Variants in LRGUK observed in about 807,000 individuals in gnomAD.
LRGUK encodes the protein leucine rich repeats and guanylate kinase domain containing.
In LRGUK, 65 loss-of-function variants were observed where a neutral mutation model predicts 76.0. That is an observed-to-expected ratio of 0.85 (90% CI 0.70 to 1.05). The LOEUF (loss-of-function observed/expected upper bound fraction) is 1.05, where lower values mean the gene tolerates loss of function less well. LRGUK is among the 50% of genes least tolerant of loss of function. The probability of loss-of-function intolerance (pLI) is 0.00; values close to 1 mark genes in which losing one functional copy is unlikely to be tolerated. For synonymous variants in LRGUK, 268 were observed against 265.6 expected (o/e 1.01, Z -0.09); for missense variants, 758 against 732.8 (o/e 1.03, Z -0.40).
At chr7:134,210,841 C>T (rs1801237001), downstream of LRGUK, among the ~76,000 whole-genome samples, 1 of 152,156 alleles carries the variant, frequency 6.6e-6, no homozygotes, top group South Asian at 2.1e-4. Flanking sequence ...AGAAGCGAAC[C>T]TGAAAACATG....
At chr7:134,187,567 G>A (rs549437013) in intron 11 of LRGUK, among the ~76,000 whole-genome samples, 7 of 152,314 alleles carry the variant, frequency 4.6e-5, no homozygotes, top group African/African-American at 1.7e-4. Flanking sequence ...AGATTTTGCT[G>A]TAGTTAGGTT....
intron 18 of LRGUK, among the ~76,000 whole-genome samples, chr7:134,257,435 G>A (rs1394679278): frequency 2.0e-5 from 3 of 152,136 alleles, no homozygotes; most frequent in Non-Finnish European, 4.4e-5. Flanking sequence ...CAAAGGAGAG[G>A]AACCTGGCGG....
At chr7:134,128,012 G>C (rs528471668) in intron 1 of LRGUK, among the ~76,000 whole-genome samples, 1 of 151,766 alleles carries the variant, frequency 6.6e-6, no homozygotes, top group South Asian at 2.1e-4. Flanking sequence ...TTGTGAATAG[G>C]CAGAGTTCAT....
At chr7:134,201,148 A>G (rs928309407) in intron 14 of LRGUK, among the ~76,000 whole-genome samples, 1 of 152,114 alleles carries the variant, frequency 6.6e-6, no homozygotes, top group African/African-American at 2.4e-5. Context: ...TATGTGGCTC[A>G]TGTGATTAGG....
downstream of LRGUK, among the ~76,000 whole-genome samples, chr7:134,210,598 G>A (rs1369882572): frequency 2.0e-5 from 3 of 152,190 alleles, no homozygotes; most frequent in East Asian, 5.8e-4. Context: ...AGGCCCCTGC[G>A]GAGTCGCTAC....
intron 5 of LRGUK, among the ~76,000 whole-genome samples, chr7:134,149,107 T>TAAA (rs149661388): frequency 1.4e-4 from 18 of 127,180 alleles, no homozygotes; most frequent in East Asian, 1.1e-3. Flanking sequence ...CTTTCTTTTT[T>TAAA]TAAAAAAAAA....
chr7:134,226,431 T>C (rs986262103), intron 16 of LRGUK, among the ~76,000 whole-genome samples: 2 of 152,196 alleles, frequency 1.3e-5, no homozygotes, highest in Non-Finnish European at 2.9e-5. Context: ...TGCAATGACA[T>C]GTGTGTAAGT....
intron 2 of LRGUK, among the ~76,000 whole-genome samples, chr7:134,138,126 CTG>C (rs1300271191): frequency 1.3e-5 from 2 of 152,162 alleles, no homozygotes; most frequent in Non-Finnish European, 2.9e-5. Context: ...ATGCATTGCA[CTG>C]TGTTTGACGC....
At chr7:134,236,665 A>G (rs1196893589) in intron 16 of LRGUK, among the ~76,000 whole-genome samples, 1 of 152,146 alleles carries the variant, frequency 6.6e-6, no homozygotes, top group Admixed American at 6.5e-5. Context: ...TCTTTTTGTG[A>G]TGTTCTTCTA....
chr7:134,160,201 A>T (rs1798664010), intron 6 of LRGUK, among the ~76,000 whole-genome samples: 1 of 152,216 alleles, frequency 6.6e-6, no homozygotes, highest in Non-Finnish European at 1.5e-5. Flanking sequence ...TGAACTCATT[A>T]TTAAGAATTA....
intron 5 of LRGUK, among the ~76,000 whole-genome samples, chr7:134,151,269 T>G (rs1048195232): frequency 6.6e-6 from 1 of 152,060 alleles, no homozygotes; most frequent in African/African-American, 2.4e-5. Flanking sequence ...AAAGAGAATT[T>G]TAAAACAACT....
chr7:134,258,526 C>A, intron 19 of LRGUK, 121 bp downstream of exon 19: 1 of 878,028 alleles, frequency 1.1e-6, no homozygotes, highest in Non-Finnish European at 1.7e-6. Context: ...TGTGAAACCC[C>A]ATCTCTACTA....
chr7:134,256,620 G>A (rs976855481), intron 18 of LRGUK, among the ~76,000 whole-genome samples: 2 of 152,124 alleles, frequency 1.3e-5, no homozygotes. Flanking sequence ...CCCTTCAGAT[G>A]TCACAACGGT....
At position 134,221,774 on chromosome 7, in the gene LRGUK, AC is replaced by A; in HGVS notation, c.1844-3del. On this transcript the variant is annotated splice_polypyrimidine_tract_variant and splice_region_variant and intron_variant, in intron 15 of 19. Coordinates refer to the LRGUK transcript ENST00000285928. The stretch of plus-strand genomic sequence containing the variant: ...ATTTTAAACTTTATTTTTTTTTCCT[AC>A]CAGATGTTAAGACATCCCACCTGAA... 1 of 1,479,820 alleles carries A rather than the reference AC, an allele frequency of 6.8e-7. No individual in the cohort carries two copies. Among genetic ancestry groups the A allele is most frequent in the Non-Finnish European group, 8.9e-7 (1 of 1,120,082 alleles). 91.7% of individuals were successfully genotyped at this position (1,479,820 alleles called of 1,614,324 possible).
intron 16 of LRGUK, 91 bp from the exon 17 acceptor site, chr7:134,247,465 A>T: frequency 1.2e-6 from 1 of 817,616 alleles, no homozygotes. Flanking sequence ...ATATTTGTCA[A>T]TCTCTAGTAC....
chr7:134,134,067 A>AG (rs975752234), intron 1 of LRGUK, among the ~76,000 whole-genome samples: 1 of 151,984 alleles, frequency 6.6e-6, no homozygotes, highest in Non-Finnish European at 1.5e-5. Flanking sequence ...GCCTAAAAAA[A>AG]AAAGAAAAAG....
At chr7:134,260,017 T>G (rs1802680283) in intron 19 of LRGUK, among the ~76,000 whole-genome samples, 1 of 152,128 alleles carries the variant, frequency 6.6e-6, no homozygotes, top group Non-Finnish European at 1.5e-5. Flanking sequence ...GGGGCTGTTA[T>G]CAGTGGTGTG....
chr7:134,192,869 G>C (rs1800315766), intron 12 of LRGUK, among the ~76,000 whole-genome samples: 2 of 152,080 alleles, frequency 1.3e-5, no homozygotes, highest in African/African-American at 2.4e-5. Context: ...TTCTGCTTTT[G>C]AAAGATTACC....
chr7:134,189,119 A>G lies in LRGUK; in HGVS notation c.1335-2536A>G, dbSNP rs555143883. ...TTGGCACCCTTAGACTTTTAGGACC[A>G]GAGTTGGAGTCTGGGGTTCATCTCT... On this transcript the variant is annotated intron_variant, in intron 11 of 15. Coordinates refer to ENST00000645682, the Ensembl canonical transcript of LRGUK. 1.8e-4 allele frequency among the ~76,000 whole-genome samples: 27 copies of G among 152,322 alleles called. No individual in the cohort carries two copies. In the South Asian group the frequency reaches 3.9e-3, roughly 22 times the overall value.
Sources: allele counts gnomAD v4.1 joint callset (sites outside exome capture counted in the v4.1 genomes callset), GRCh38; gene constraint gnomAD v4.1.1; transcripts MANE v1.5; gene names NCBI Gene and HGNC (gene_info 2026-07-23, HGNC 2026-07-21).